RECQL: variants seen among roughly 807,000 people sequenced by gnomAD.
RECQL encodes the protein RecQ like helicase.
In RECQL, 73 loss-of-function variants were observed where a neutral mutation model predicts 75.8. The observed-to-expected ratio is 0.96, with a 90% CI of 0.80 to 1.17. The LOEUF (loss-of-function observed/expected upper bound fraction) is 1.17, where lower values mean the gene tolerates loss of function less well. Among genes scored for constraint, RECQL ranks in the 50% most tolerant of loss-of-function variants. The pLI is 0.00. For missense variants in RECQL, 699 were observed against 772.1 expected (o/e 0.91, Z 1.12); for synonymous variants, 248 against 254.4 (o/e 0.97, Z 0.24).
At chr12:21,500,596 A>G (rs1468487590) in intron 1 of RECQL, among the ~76,000 whole-genome samples, 1 of 152,244 alleles carries the variant, frequency 6.6e-6, no homozygotes, top group African/African-American at 2.4e-5. Context: ...ATAGGAGAGT[A>G]AACCAAGGAT....
chr12:21,490,793 G>T (rs973273785), intron 3 of RECQL, among the ~76,000 whole-genome samples: 4 of 152,134 alleles, frequency 2.6e-5, no homozygotes, highest in Admixed American at 1.3e-4. Context: ...GTTTGAGGCT[G>T]CAGTGAGTTG....
At chr12:21,497,818 T>G (rs914606253) in intron 2 of RECQL, among the ~76,000 whole-genome samples, 1 of 152,174 alleles carries the variant, frequency 6.6e-6, no homozygotes, top group African/African-American at 2.4e-5. Flanking sequence ...TCTGGCTACA[T>G]CCAGAGCTAA....
At chr12:21,475,057 TAGC>T (rs1943056658) in intron 10 of RECQL, 78 bp from the exon 11 acceptor site, 2 of 1,430,818 alleles carry the variant, frequency 1.4e-6, no homozygotes, top group East Asian at 2.4e-5. Flanking sequence ...ATGGTAAAAT[TAGC>T]AGGCAATGTT....
At chr12:21,493,993 G>T (rs994762648) in intron 2 of RECQL, among the ~76,000 whole-genome samples, 1 of 152,190 alleles carries the variant, frequency 6.6e-6, no homozygotes, top group Admixed American at 6.5e-5. Context: ...TAAAAGAAAA[G>T]AAGTTTATTT....
At chr12:21,490,919 A>C (rs1381022902) in intron 3 of RECQL, among the ~76,000 whole-genome samples, 2 of 152,284 alleles carry the variant, frequency 1.3e-5, no homozygotes, top group East Asian at 3.9e-4. Context: ...ACAAGAAAGG[A>C]AGGTGTTTGA....
rs1942951202 is a variant in RECQL, at chr12:21,471,210, A to G, written c.1668-112T>C. On this transcript the variant is annotated intron_variant, in intron 13 of 14. Transcript: ENST00000444129. ...AATTCTTAACACATTGACTTGAAAT[A>G]ATAAAATTTACAAGAATGCAAATAA... is the stretch of plus-strand genomic sequence containing the variant. 5.2e-6 allele frequency: 6 copies of G among 1,161,694 alleles called. No homozygotes were observed. In the Admixed American group the frequency reaches 1.6e-4, roughly 32 times the overall value. The allele number at this position is 1,161,694 out of a possible 1,614,324, so 72.0% of individuals were successfully genotyped here. A position where few individuals can be genotyped will look rare whatever the true frequency, so the allele number is the denominator to read the frequency against.
chr12:21,499,427 T>C (rs1943564847), intron 2 of RECQL, 128 bp downstream of exon 2: 6 of 846,230 alleles, frequency 7.1e-6, no homozygotes, highest in Non-Finnish European at 1.1e-5. Context: ...GTAATGTGTA[T>C]TTTACTTCAA....
intron 2 of RECQL, among the ~76,000 whole-genome samples, chr12:21,496,268 T>G (rs1367546313): frequency 1.3e-5 from 2 of 152,236 alleles, no homozygotes; most frequent in African/African-American, 4.8e-5. Context: ...CAGCCATGGT[T>G]CCAGCTGTAA....
At chr12:21,478,104 T>G in intron 6 of RECQL, 135 bp from the exon 7 acceptor site, 1 of 795,270 alleles carries the variant, frequency 1.3e-6, no homozygotes, top group Non-Finnish European at 1.9e-6. Context: ...AAATTTGCAG[T>G]TCTGTGTTAG....
At position 21,471,753 on chromosome 12, in the gene RECQL, GC is replaced by G. The variant is rs1310462219; in HGVS notation, c.1448-107del. ...GGTTTAAAGCTGGTTATCAATGTGA[GC>G]CACCCTAAACATTGATTTTTAAATG... On this transcript the variant is annotated intron_variant, in intron 12 of 14. Transcript: ENST00000444129. 2.2e-5 allele frequency: 18 copies of G among 825,414 alleles called. No individual in the cohort carries two copies. The Admixed American group carries it at 3.6e-4, about 16-fold the overall frequency. The allele number at this position is 825,414 out of a possible 1,614,324, so 51.1% of individuals were successfully genotyped here.
At chr12:21,477,628 T>C (rs2137348930) in intron 7 of RECQL, among the ~76,000 whole-genome samples, 175 bp downstream of exon 7, 1 of 152,360 alleles carries the variant, frequency 6.6e-6, no homozygotes, top group Non-Finnish European at 1.5e-5. Context: ...CAAAGGTTTA[T>C]GTAGCAAAAG....
At chr12:21,471,338 AAAT>A in intron 13 of RECQL, 87 bp downstream of exon 13, 2 of 1,232,692 alleles carry the variant, frequency 1.6e-6, no homozygotes, top group Non-Finnish European at 2.2e-6. Flanking sequence ...AGTTCACACA[AAAT>A]AACTGCAAAA....
intron 6 of RECQL, among the ~76,000 whole-genome samples, chr12:21,479,507 C>G (rs1943152564): frequency 6.6e-6 from 1 of 152,018 alleles, no homozygotes; most frequent in Non-Finnish European, 1.5e-5. Flanking sequence ...CATACACCGC[C>G]ACACCTGGCT....
chr12:21,486,342 C>T lies in RECQL; in HGVS notation c.501+137G>A, dbSNP rs536363624. 1.2e-4 allele frequency: 128 copies of T among 1,112,306 alleles called. No homozygotes were observed. In the African/African-American group the frequency reaches 1.8e-3, roughly 16 times the overall value. The allele number at this position is 1,112,306 out of a possible 1,614,324, so 68.9% of individuals were successfully genotyped here. A position where few individuals can be genotyped will look rare whatever the true frequency, so the allele number is the denominator to read the frequency against. On this transcript the variant is annotated intron_variant, in intron 5 of 14. Transcript: ENST00000444129. ...TACAAAAATAGACAGTGGGCCAGAA[C>T]TGGCCAAGAGCAGTAGTTTGTAACT...
chr12:21,475,532 CCT>C lies in RECQL; in HGVS notation c.1150_1151del (p.Arg384ValfsTer9). ...FGMGIDKPDV[R>X]FVIHHSMSKS... ...TACTCATTGAATGATGGATAACAAA[CCT>C]CACATCTGGCTTATCAATTCCCATA... On this transcript the variant is annotated frameshift_variant, in exon 10 of 15. Coordinates refer to ENST00000444129, the MANE Select transcript of RECQL (RefSeq NM_002907.4). LOFTEE classifies it high-confidence loss of function. 2 of 1,612,948 alleles carry C rather than the reference CCT, an allele frequency of 1.2e-6. No homozygotes were observed. The highest frequency in any genetic ancestry group is 2.2e-5 in the South Asian group (2 of 90,960).
At position 21,493,749 on chromosome 12, in the gene RECQL, C is replaced by T. The variant is rs370886062; in HGVS notation, c.17-2033G>A. 9.9e-5 allele frequency among the ~76,000 whole-genome samples: 15 copies of T among 152,270 alleles called. No individual in the cohort carries two copies. The East Asian group carries it at 2.9e-3, about 29-fold the overall frequency. On this transcript the variant is annotated intron_variant, in intron 2 of 14. Coordinates refer to ENST00000444129, the MANE Select transcript of RECQL (RefSeq NM_002907.4). ...GAAACAATGTCCTCCTAACTGAAGT[C>T]CCCACAATGGTCCTTGTTGCCTTGT...
intron 6 of RECQL, among the ~76,000 whole-genome samples, 195 bp from the exon 7 acceptor site, chr12:21,478,164 G>A (rs1172725097): frequency 6.6e-6 from 1 of 151,942 alleles, no homozygotes; most frequent in East Asian, 1.9e-4. Flanking sequence ...ATTACTCTTG[G>A]TCACGGTGGA....
intron 2 of RECQL, among the ~76,000 whole-genome samples, chr12:21,496,197 A>G (rs1491000089): frequency 6.6e-6 from 1 of 152,248 alleles, no homozygotes; most frequent in Non-Finnish European, 1.5e-5. Context: ...TGCAGAAGAC[A>G]ATGGATTCTG....
At chr12:21,477,752 C>G (rs755045113) in intron 7 of RECQL, 51 bp downstream of exon 7, 17 of 1,441,010 alleles carry the variant, frequency 1.2e-5, no homozygotes, top group Non-Finnish European at 1.6e-5. Flanking sequence ...AGGCAGATCC[C>G]CTCTGCGTAA....
Sources: gnomAD v4.1 joint callset for allele counts (sites outside exome capture counted in the v4.1 genomes callset) on GRCh38, gnomAD v4.1.1 for gene constraint, MANE v1.5 for transcripts, NCBI Gene and HGNC (gene_info 2026-07-23, HGNC 2026-07-21) for gene names.